Variants in ADCY1 observed in about 807,000 individuals in gnomAD.
The protein encoded by ADCY1 is adenylate cyclase type 1.
In ADCY1, 28 loss-of-function variants were observed where a neutral mutation model predicts 105.4. That is an observed-to-expected ratio of 0.27 (90% CI 0.20 to 0.36). The LOEUF (loss-of-function observed/expected upper bound fraction) is 0.36, where lower values mean the gene tolerates loss of function less well. Ranked by LOEUF, ADCY1 falls within the 10% of genes least tolerant of loss-of-function variation. The pLI, the probability that ADCY1 is intolerant of heterozygous loss-of-function variation, is 1.00. For missense variants in ADCY1, 977 were observed against 1,434.2 expected, an observed-to-expected ratio of 0.68 and a Z score of 5.15; for synonymous variants, 655 against 623.8, an observed-to-expected ratio of 1.05 and a Z score of -0.75.
chr7:45,609,222 C>T (rs1270490517), intron 2 of ADCY1, among the ~76,000 whole-genome samples: 1 of 152,210 alleles, frequency 6.6e-6, no homozygotes, highest in Non-Finnish European at 1.5e-5. Flanking sequence ...TGTCTGGGCA[C>T]CTGTGCTCCT....
chr7:45,678,951 G>A (rs939121823), intron 10 of ADCY1, among the ~76,000 whole-genome samples: 3 of 151,978 alleles, frequency 2.0e-5, no homozygotes, highest in Admixed American at 2.0e-4. Context: ...GAGCTCATTG[G>A]CTTCTAAATC....
chr7:45,606,252 T>C lies in ADCY1; in HGVS notation c.790-4127T>C, dbSNP rs1188749343. Among the ~76,000 whole-genome samples the C allele has an allele frequency of 4.7e-5, 7 of 150,388 alleles. No homozygotes were observed. In the East Asian group the frequency reaches 1.4e-3, roughly 30 times the overall value. On this transcript the variant is annotated intron_variant, in intron 2 of 19. Transcript: ENST00000297323. ...TGGCTCACTCTGGGAGTGGGTGGGT[T>C]GATTGGGGGCCCCTTCACAGCCTGG...
intron 4 of ADCY1, among the ~76,000 whole-genome samples, chr7:45,637,005 T>G (rs532313136): frequency 6.6e-6 from 1 of 152,380 alleles, no homozygotes; most frequent in South Asian, 2.1e-4. Flanking sequence ...CATTTGTTCT[T>G]TGTTCCCTTT....
rs1415705069 is a variant in ADCY1, at chr7:45,575,812, G to A, written c.639+630G>A. ...GCCGCTGCCACTCGGCGGTTGCCCT[G>A]ACCCTGCCTTTTCTGCGCCCGAACT... On this transcript the variant is annotated intron_variant, in intron 1 of 19. Transcript: ENST00000297323. The surrounding 1 kb of genome is among the most constrained non-coding windows in gnomAD (Gnocchi z 4.7). Among the ~76,000 whole-genome samples, 1 of 152,258 alleles carries A rather than the reference G, an allele frequency of 6.6e-6. No homozygotes were observed. The highest frequency in any genetic ancestry group is 1.5e-5 in the Non-Finnish European group (1 of 68,046).
chr7:45,682,470 T>C (rs981131931), intron 11 of ADCY1, among the ~76,000 whole-genome samples: 5 of 151,584 alleles, frequency 3.3e-5, no homozygotes, highest in Admixed American at 2.0e-4. Context: ...GACCCCGGGG[T>C]GCTGCAGGTG....
intron 2 of ADCY1, among the ~76,000 whole-genome samples, chr7:45,604,228 G>A (rs536018624): frequency 2.6e-5 from 4 of 152,246 alleles, no homozygotes; most frequent in Non-Finnish European, 5.9e-5. Context: ...TGGGCTTTGA[G>A]AGTTCTTTAT....
chr7:45,651,365 C>A (rs963756883), intron 5 of ADCY1, among the ~76,000 whole-genome samples: 1 of 152,216 alleles, frequency 6.6e-6, no homozygotes, highest in Non-Finnish European at 1.5e-5. Context: ...CCACATTGGG[C>A]TGTGTGTGTC....
At chr7:45,656,680 A>G (rs1794953376) in intron 5 of ADCY1, among the ~76,000 whole-genome samples, 1 of 151,618 alleles carries the variant, frequency 6.6e-6, no homozygotes, top group South Asian at 2.1e-4. Flanking sequence ...AAGGTGAACC[A>G]GACACAGGCT....
At chr7:45,592,437 C>G (rs1376003580) in intron 1 of ADCY1, among the ~76,000 whole-genome samples, 1 of 152,200 alleles carries the variant, frequency 6.6e-6, no homozygotes, top group East Asian at 1.9e-4. Context: ...AACTTAATTG[C>G]CTCTGTAAAG....
rs1202327401 is a variant in ADCY1, at chr7:45,648,742, A to T, written c.1093A>T (p.Thr365Ser). The part of the protein sequence containing the change: ...YCVSGLTQPK[T>S]DHAHCCVEMG... ...CGTGTCGGGCCTCACCCAGCCCAAG[A>T]CTGACCATGCCCACTGCTGTGTGGA... Residue 365 changes from threonine (T) to serine (S), a missense_variant, in exon 5 of 20, where the codon ACT becomes TCT. Transcript: ENST00000297323. 2 of 1,614,110 alleles carry T rather than the reference A, an allele frequency of 1.2e-6. No individual in the cohort carries two copies. Among genetic ancestry groups the T allele is most frequent in the East Asian group, 2.2e-5 (1 of 44,856 alleles).
At chr7:45,642,113 A>G (rs930449729) in intron 4 of ADCY1, among the ~76,000 whole-genome samples, 6 of 152,084 alleles carry the variant, frequency 3.9e-5, no homozygotes, top group Non-Finnish European at 7.4e-5. Context: ...ACCAGAGGGC[A>G]TGCATGCCAT....
At chr7:45,665,677 A>G (rs1226763268) in intron 8 of ADCY1, among the ~76,000 whole-genome samples, 1 of 152,268 alleles carries the variant, frequency 6.6e-6, no homozygotes, top group African/African-American at 2.4e-5. Flanking sequence ...CCAGAGGTTA[A>G]TGCAAATAGA....
Position 45,662,140 on chromosome 7 carries a change from C to G in ADCY1, c.1531C>G (p.Leu511Val). The G allele has an allele frequency of 6.2e-7, 1 of 1,614,118 alleles. No homozygotes were observed. The change falls in exon 8 of 20, where the codon CTC becomes GTC. Residue 511 changes from leucine to valine, a missense_variant. Leu to Val is a conservative substitution (Grantham distance 32). Transcript: ENST00000297323. ...FKTVCYLLVQ[L>V]MHCRKMFKAE... ...GACTGTCTGCTACCTGCTGGTGCAG[C>G]TCATGCACTGCCGGAAAATGTTCAA...
At chr7:45,646,320 G>C (rs534588538) in intron 4 of ADCY1, among the ~76,000 whole-genome samples, 1 of 152,200 alleles carries the variant, frequency 6.6e-6, no homozygotes, top group Non-Finnish European at 1.5e-5. Flanking sequence ...GGCAGCCCAC[G>C]CTGGAGTCCA....
intron 14 of ADCY1, among the ~76,000 whole-genome samples, chr7:45,699,994 A>G (rs1784966741): frequency 6.6e-6 from 1 of 152,136 alleles, no homozygotes; most frequent in Admixed American, 6.5e-5. Context: ...TCTGGTTATC[A>G]AGGGCTGGGA....
Position 45,716,283 on chromosome 7 carries a change from A to G in ADCY1, c.*2288A>G, listed in dbSNP as rs73102679. 2,922 of 153,136 alleles carry G rather than the reference A, an allele frequency of 0.019. 52 individuals carry two copies. Among genetic ancestry groups the G allele is most frequent in the Admixed American group, 0.038 (580 of 15,302 alleles). 9.5% of individuals were successfully genotyped at this position (153,136 alleles called of 1,614,324 possible). On this transcript the variant is annotated 3_prime_UTR_variant, in exon 20 of 20. Coordinates refer to ENST00000297323, the MANE Select transcript of ADCY1 (RefSeq NM_021116.4). ...ATCCTGAGGACCCAGGGTCCATCTG[A>G]GCTGGCTGTGGGCTGAGATCCTGGC...
chr7:45,620,007 CAAT>C (rs1490991331), intron 3 of ADCY1, among the ~76,000 whole-genome samples: 4 of 151,964 alleles, frequency 2.6e-5, no homozygotes, highest in Non-Finnish European at 5.9e-5. Flanking sequence ...AATGGTATCT[CAAT>C]AAAGGTGTTA....
chr7:45,639,422 A>G (rs34154333), intron 4 of ADCY1, among the ~76,000 whole-genome samples: 17,532 of 152,238 alleles, frequency 0.12, 1,134 homozygotes, highest in South Asian at 0.23. Context: ...CTTAACAGGA[A>G]CATGAACTGG....
chr7:45,602,157 T>C (rs1250925930), intron 2 of ADCY1, among the ~76,000 whole-genome samples: 1 of 151,714 alleles, frequency 6.6e-6, no homozygotes, highest in Non-Finnish European at 1.5e-5. Context: ...GTATTACTTT[T>C]GGTAAGCGTG....
Sources: gnomAD v4.1 joint callset for allele counts (sites outside exome capture counted in the v4.1 genomes callset) on GRCh38, gnomAD v4.1.1 for gene constraint, Gnocchi (gnomAD v3.1) non-coding constraint, MANE v1.5 for transcripts, NCBI Gene and HGNC (gene_info 2026-07-23, HGNC 2026-07-21) for gene names.